Variants in CSGALNACT1 observed in about 807,000 individuals in gnomAD.
CSGALNACT1 encodes the protein chondroitin sulfate N-acetylgalactosaminyltransferase 1, also known as beta4GalNAcT-1.
CSGALNACT1 carries 52 observed loss-of-function variants against 51.0 expected under a neutral mutation model. The observed-to-expected ratio is 1.02, with a 90% confidence interval of 0.82 to 1.29. The LOEUF (loss-of-function observed/expected upper bound fraction) is 1.29, where lower values mean the gene tolerates loss of function less well. Ranked by LOEUF, CSGALNACT1 falls within the 50% of genes most tolerant of loss-of-function variation. CSGALNACT1 has a pLI of 0.00. For missense variants in CSGALNACT1, 935 were observed against 679.2 expected (o/e 1.38, Z -4.19); for synonymous variants, 341 against 254.4 (o/e 1.34, Z -3.24).
chr8:19,447,968 T>G (rs1379739779), intron 5 of CSGALNACT1, among the ~76,000 whole-genome samples: 3 of 152,172 alleles, frequency 2.0e-5, no homozygotes, highest in African/African-American at 7.2e-5. Flanking sequence ...TGGTGGTGGG[T>G]ACGGTAGCAG....
At chr8:19,697,120 A>C (rs1215251104) in intron 1 of CSGALNACT1, among the ~76,000 whole-genome samples, 2 of 152,176 alleles carry the variant, frequency 1.3e-5, no homozygotes, top group African/African-American at 4.8e-5. Context: ...TGTCAGATCT[A>C]GCAGGAGAGT....
At chr8:19,716,612 CAAAAAAAAAAA>C (rs60464594) in intron 1 of CSGALNACT1, among the ~76,000 whole-genome samples, 39 of 41,968 alleles carry the variant, frequency 9.3e-4, no homozygotes, top group African/African-American at 2.5e-3. Context: ...ACCCTCTCTA[CAAAAAAAAAAA>C]AAAAAAAAAA....
At chr8:19,671,127 C>T (rs564982441) in intron 1 of CSGALNACT1, among the ~76,000 whole-genome samples, 1 of 152,184 alleles carries the variant, frequency 6.6e-6, no homozygotes, top group African/African-American at 2.4e-5. Flanking sequence ...GTTAAGTCAA[C>T]TGACTGGCCT....
chr8:19,549,614 T>G (rs915588422), intron 3 of CSGALNACT1, among the ~76,000 whole-genome samples: 1 of 150,576 alleles, frequency 6.6e-6, no homozygotes, highest in African/African-American at 2.5e-5. Flanking sequence ...CTTCCCCTTT[T>G]CTCCCCATCA....
At chr8:19,585,817 T>G (rs1363420667) in intron 3 of CSGALNACT1, among the ~76,000 whole-genome samples, 1 of 152,168 alleles carries the variant, frequency 6.6e-6, no homozygotes, top group Non-Finnish European at 1.5e-5. Flanking sequence ...CAACCAGAGT[T>G]CCAGGTCCCA....
chr8:19,458,397 G>A (rs761574895), intron 5 of CSGALNACT1, 29 bp downstream of exon 4: 1 of 1,545,732 alleles, frequency 6.5e-7, no homozygotes, highest in Non-Finnish European at 8.9e-7. Context: ...ATCATGCGGA[G>A]GAAGATAAAC....
chr8:19,447,125 G>C (rs905421614), intron 5 of CSGALNACT1, among the ~76,000 whole-genome samples: 2 of 152,190 alleles, frequency 1.3e-5, no homozygotes, highest in Non-Finnish European at 2.9e-5. Flanking sequence ...ATACAGGTGA[G>C]GGAAGGAGTT....
intron 3 of CSGALNACT1, among the ~76,000 whole-genome samples, chr8:19,512,705 T>C (rs1272556746): frequency 1.3e-5 from 2 of 152,180 alleles, no homozygotes; most frequent in African/African-American, 2.4e-5. Flanking sequence ...CTGCAAGATA[T>C]AGAAATCGGA....
chr8:19,724,596 A>G (rs2063294578), intron 1 of CSGALNACT1, among the ~76,000 whole-genome samples: 1 of 152,216 alleles, frequency 6.6e-6, no homozygotes, highest in African/African-American at 2.4e-5. Flanking sequence ...GCTGCATATA[A>G]TAACAGATTA....
At chr8:19,630,157 T>G (rs984048348) in intron 1 of CSGALNACT1, among the ~76,000 whole-genome samples, 1 of 150,372 alleles carries the variant, frequency 6.7e-6, no homozygotes, top group Non-Finnish European at 1.5e-5. Context: ...CACAGTTAGG[T>G]TGCCAGAGAA....
intron 4 of CSGALNACT1, among the ~76,000 whole-genome samples, chr8:19,503,981 G>T (rs2076858234): frequency 6.6e-6 from 1 of 152,242 alleles, no homozygotes; most frequent in Admixed American, 6.5e-5. Context: ...TTTGATGGAA[G>T]AGAGTCAGTT....
chr8:19,533,456 T>G (rs975161211), intron 3 of CSGALNACT1, among the ~76,000 whole-genome samples: 1 of 152,146 alleles, frequency 6.6e-6, no homozygotes, highest in African/African-American at 2.4e-5. Context: ...ATTTCCCTAT[T>G]TTTAATTTAT....
At chr8:19,680,182 C>G (rs753304394) in intron 1 of CSGALNACT1, among the ~76,000 whole-genome samples, 1 of 152,034 alleles carries the variant, frequency 6.6e-6, no homozygotes, top group South Asian at 2.1e-4. Context: ...TCCATGGGCT[C>G]CTCTGCATCC....
At chr8:19,468,543 G>A (rs181849181) in intron 4 of CSGALNACT1, among the ~76,000 whole-genome samples, 1 of 152,072 alleles carries the variant, frequency 6.6e-6, no homozygotes, top group Non-Finnish European at 1.5e-5. Context: ...GTGGATGATG[G>A]CAGGGAACGA....
At chr8:19,643,031 T>C (rs2056902242) in intron 1 of CSGALNACT1, among the ~76,000 whole-genome samples, 1 of 152,124 alleles carries the variant, frequency 6.6e-6, no homozygotes, top group Non-Finnish European at 1.5e-5. Context: ...GGAGATTTTC[T>C]AAAATGATGG....
chr8:19,605,641 T>C (rs1377198972), upstream of CSGALNACT1, among the ~76,000 whole-genome samples: 1 of 152,082 alleles, frequency 6.6e-6, no homozygotes, highest in African/African-American at 2.4e-5. Flanking sequence ...AGGATGTGCG[T>C]GAGAGCGGCT....
chr8:19,488,596 G>A (rs2073646073), intron 4 of CSGALNACT1, among the ~76,000 whole-genome samples: 2 of 151,870 alleles, frequency 1.3e-5, no homozygotes, highest in Non-Finnish European at 2.9e-5. Flanking sequence ...GAAGAGCCAG[G>A]GAAGGAGTGT....
chr8:19,445,361 GA>G (rs1460690262), intron 5 of CSGALNACT1, among the ~76,000 whole-genome samples: 1 of 152,178 alleles, frequency 6.6e-6, no homozygotes, highest in African/African-American at 2.4e-5. Context: ...TAAGTGTGAA[GA>G]AAAAGCATTC....
intron 1 of CSGALNACT1, among the ~76,000 whole-genome samples, chr8:19,725,130 G>C (rs2063327552): frequency 6.6e-6 from 1 of 152,212 alleles, no homozygotes; most frequent in Non-Finnish European, 1.5e-5. Context: ...CAGAAGATCA[G>C]AAGTAAGCAC....
Sources: allele counts gnomAD v4.1 joint callset (sites outside exome capture counted in the v4.1 genomes callset), GRCh38; gene constraint gnomAD v4.1.1; transcripts MANE v1.5; gene names NCBI Gene and HGNC (gene_info 2026-07-23, HGNC 2026-07-21).